NAALADL2: variants seen among roughly 807,000 people sequenced by gnomAD.
NAALADL2 encodes the protein N-acetylated alpha-linked acidic dipeptidase like 2.
Under a neutral mutation model 87.2 loss-of-function variants are expected in NAALADL2, and 76 were observed. The observed-to-expected ratio is 0.87, with a 90% CI of 0.72 to 1.05. NAALADL2 has a LOEUF of 1.05. NAALADL2 is among the 50% of genes least tolerant of loss of function. The pLI is 0.00. For missense variants in NAALADL2, 1,089 were observed against 945.8 expected (o/e 1.15, Z -1.99); for synonymous variants, 354 against 331.0 (o/e 1.07, Z -0.75).
At chr3:175,181,910 A>G (rs1736618513) in intron 2 of NAALADL2, among the ~76,000 whole-genome samples, 1 of 151,394 alleles carries the variant, frequency 6.6e-6, no homozygotes, top group African/African-American at 2.4e-5. Context: ...ATTTGGATAT[A>G]TACCTAGGAT....
chr3:175,302,710 C>T (rs186578719), intron 4 of NAALADL2, among the ~76,000 whole-genome samples: 35 of 151,770 alleles, frequency 2.3e-4, no homozygotes, highest in Admixed American at 3.9e-4. Context: ...AAAAATAGTA[C>T]GTAGTAGAGA....
At chr3:175,193,804 AG>A (rs1401408408) in intron 2 of NAALADL2, among the ~76,000 whole-genome samples, 3 of 151,932 alleles carry the variant, frequency 2.0e-5, no homozygotes, top group Non-Finnish European at 4.4e-5. Context: ...CTCTGTTTTT[AG>A]CAGATAGAAA....
At chr3:174,625,183 C>T (rs1002361075) in intron 2 of NAALADL2, among the ~76,000 whole-genome samples, 2 of 151,230 alleles carry the variant, frequency 1.3e-5, no homozygotes, top group Non-Finnish European at 2.9e-5. Flanking sequence ...CTCAGCTTCC[C>T]AGGTAACTGG....
At chr3:175,211,272 A>G (rs1432259312) in intron 2 of NAALADL2, among the ~76,000 whole-genome samples, 1 of 151,904 alleles carries the variant, frequency 6.6e-6, no homozygotes, top group Non-Finnish European at 1.5e-5. Context: ...TTTTATGCAC[A>G]TGCTCAAAAA....
chr3:174,814,796 C>G (rs1309875149), intron 3 of NAALADL2, among the ~76,000 whole-genome samples: 1 of 152,186 alleles, frequency 6.6e-6, no homozygotes, highest in Non-Finnish European at 1.5e-5. Flanking sequence ...AGCAGGCCAA[C>G]TCTTTTGATT....
At chr3:175,360,148 G>A (rs1018430268) in intron 5 of NAALADL2, among the ~76,000 whole-genome samples, 12 of 151,952 alleles carry the variant, frequency 7.9e-5, no homozygotes, top group African/African-American at 2.9e-4. Flanking sequence ...TAGTGTTATT[G>A]CTTGTATGAC....
intron 2 of NAALADL2, among the ~76,000 whole-genome samples, chr3:175,118,114 G>A (rs1462810917): frequency 1.6e-4 from 15 of 92,950 alleles, no homozygotes; most frequent in African/African-American, 5.4e-4. Context: ...GGGGCCTGTC[G>A]TAGGGTGGGG....
At chr3:175,188,710 G>A (rs1737703053) in intron 2 of NAALADL2, among the ~76,000 whole-genome samples, 1 of 152,110 alleles carries the variant, frequency 6.6e-6, no homozygotes, top group African/African-American at 2.4e-5. Flanking sequence ...TGGTGCCCAA[G>A]CCACAAATGT....
intron 3 of NAALADL2, among the ~76,000 whole-genome samples, chr3:174,755,267 C>T (rs1711889929): frequency 6.6e-6 from 1 of 152,156 alleles, no homozygotes; most frequent in Non-Finnish European, 1.5e-5. Context: ...CCTCGTCAGC[C>T]ATGCTGAGCT....
At chr3:175,494,776 A>T (rs1046849645) in intron 9 of NAALADL2, among the ~76,000 whole-genome samples, 1 of 151,902 alleles carries the variant, frequency 6.6e-6, no homozygotes, top group African/African-American at 2.4e-5. Flanking sequence ...TCATACATAT[A>T]TGTGTGCTTT....
At chr3:175,798,129 A>G (rs1052711633) in intron 13 of NAALADL2, among the ~76,000 whole-genome samples, 3 of 152,074 alleles carry the variant, frequency 2.0e-5, no homozygotes, top group African/African-American at 4.8e-5. Flanking sequence ...TAATTCTGAA[A>G]ATCAGTAGGA....
intron 3 of NAALADL2, among the ~76,000 whole-genome samples, chr3:174,803,705 G>A (rs890797986): frequency 4.9e-4 from 74 of 151,924 alleles, no homozygotes; most frequent in African/African-American, 1.2e-3. Flanking sequence ...CAGTTTTCCC[G>A]GCACCATTTA....
At chr3:175,000,840 T>C (rs1303936612) in intron 1 of NAALADL2, among the ~76,000 whole-genome samples, 2 of 152,194 alleles carry the variant, frequency 1.3e-5, no homozygotes, top group Non-Finnish European at 2.9e-5. Flanking sequence ...GAGAGGTAAA[T>C]ATTATTTTCT....
intron 1 of NAALADL2, among the ~76,000 whole-genome samples, chr3:174,902,355 T>C (rs1732418163): frequency 6.6e-6 from 1 of 152,256 alleles, no homozygotes; most frequent in Admixed American, 6.5e-5. Context: ...GTATGTAAAG[T>C]ACCTATTATA....
chr3:174,947,463 G>A lies in NAALADL2; in HGVS notation c.43+88013G>A, dbSNP rs1739616556. On this transcript the variant is annotated intron_variant, in intron 1 of 13. Coordinates refer to ENST00000454872, the MANE Select transcript of NAALADL2 (RefSeq NM_207015.3). ...AAGATTAACAGTTCCTTCCTTAAGT[G>A]CTGACCATGGTTAGGAATGGTAGTA... 2.0e-5 allele frequency among the ~76,000 whole-genome samples: 3 copies of A among 152,086 alleles called. No individual in the cohort carries two copies. The South Asian group carries it at 6.2e-4, about 32-fold the overall frequency.
chr3:175,132,682 G>A lies in NAALADL2; in HGVS notation c.545+35391G>A, dbSNP rs1479359491. Among the ~76,000 whole-genome samples the A allele has an allele frequency of 4.4e-5, 6 of 137,320 alleles. 1 individual carries two copies. In the East Asian group the frequency reaches 1.4e-3, roughly 32 times the overall value. 90.1% of individuals were successfully genotyped at this position (137,320 alleles called of 152,430 possible). A position where few individuals can be genotyped will look rare whatever the true frequency, so the allele number is the denominator to read the frequency against. ...GGCTGACCCCTCCACCTCCCTCCCG[G>A]ACGGGGCAGCTGGCTGGGCAGAGGG... On this transcript the variant is annotated intron_variant, in intron 2 of 13. Coordinates refer to ENST00000454872, the MANE Select transcript of NAALADL2 (RefSeq NM_207015.3).
intron 2 of NAALADL2, among the ~76,000 whole-genome samples, chr3:175,180,345 A>G (rs189508274): frequency 1.3e-3 from 202 of 152,142 alleles, no homozygotes; most frequent in Non-Finnish European, 1.4e-3. Context: ...AGTTGGAGGG[A>G]GATAATACTA....
chr3:175,080,814 T>G (rs1717655491), intron 1 of NAALADL2, among the ~76,000 whole-genome samples: 1 of 152,224 alleles, frequency 6.6e-6, no homozygotes, highest in Non-Finnish European at 1.5e-5. Flanking sequence ...ACTCCTGTCA[T>G]TAGAATTTAA....
intron 1 of NAALADL2, among the ~76,000 whole-genome samples, chr3:174,495,228 G>T (rs1267454965): frequency 7.0e-6 from 1 of 142,282 alleles, no homozygotes; most frequent in Non-Finnish European, 1.5e-5. Flanking sequence ...AGCAATATGT[G>T]TAGAGTTGCT....
Sources: gnomAD v4.1 joint callset for allele counts (sites outside exome capture counted in the v4.1 genomes callset) on GRCh38, gnomAD v4.1.1 for gene constraint, MANE v1.5 for transcripts, NCBI Gene and HGNC (gene_info 2026-07-23, HGNC 2026-07-21) for gene names.